ZNF469: variants seen among roughly 807,000 people sequenced by gnomAD.
The protein encoded by ZNF469 is zinc finger protein 469.
ZNF469 carries 1 observed loss-of-function variant against 1.0 expected under a neutral mutation model. That is an observed-to-expected ratio of 1.00 (90% CI 0.35 to 4.73). ZNF469 has a LOEUF of 4.73. Ranked by LOEUF, ZNF469 falls within the 30% of genes most tolerant of loss-of-function variation. ZNF469 has a pLI of 0.16. For missense variants in ZNF469, 6,100 were observed against 5,356.3 expected, an observed-to-expected ratio of 1.14 and a Z score of -4.33; for synonymous variants, 2,703 against 2,363.4, an observed-to-expected ratio of 1.14 and a Z score of -4.17.
chr16:88,272,011 G>A, the ZNF469 span, among the ~76,000 whole-genome samples: 2 of 152,118 alleles, frequency 1.3e-5, no homozygotes, highest in Non-Finnish European at 2.9e-5. Flanking sequence ...TGGGTGGACA[G>A]ACGGATGGAT....
rs749642726 is a variant in ZNF469, at chr16:88,432,358, G to T, written c.4888G>T (p.Val1630Phe). 3 of 1,548,576 alleles carry T rather than the reference G, an allele frequency of 1.9e-6. No homozygotes were observed. The highest frequency in any genetic ancestry group is 2.6e-6 in the Non-Finnish European group (3 of 1,146,688). The part of the protein sequence containing the change: ...DTFSAADLTR[V>F]GESTAHREGA... Reference sequence around the variant, plus strand: ...GTTCTCGGCAGCTGACCTCACGCGCGTTGGAGAATCCACTGCACATCGGGA... The same window carrying T: ...GTTCTCGGCAGCTGACCTCACGCGCTTTGGAGAATCCACTGCACATCGGGA... The change falls in exon 3 of 3, where the codon GTT becomes TTT. Residue 1630 changes from valine (V) to phenylalanine (F), a missense_variant. Coordinates refer to ENST00000565624, the MANE Select transcript of ZNF469 (RefSeq NM_001367624.2).
At chr16:88,180,498 G>A in the ZNF469 span, among the ~76,000 whole-genome samples, 6 of 152,118 alleles carry the variant, frequency 3.9e-5, no homozygotes, top group African/African-American at 1.2e-4. Flanking sequence ...CTGGCCAGGC[G>A]CGGTGGCTCA....
At chr16:88,200,128 A>G in the ZNF469 span, among the ~76,000 whole-genome samples, 141 of 54,792 alleles carry the variant, frequency 2.6e-3, no homozygotes, top group Non-Finnish European at 5.2e-3. Context: ...GGCACGGCCG[A>G]AGAGAACACG....
At chr16:88,128,040 C>T in the ZNF469 span, among the ~76,000 whole-genome samples, 1 of 152,138 alleles carries the variant, frequency 6.6e-6, no homozygotes, top group Non-Finnish European at 1.5e-5. Flanking sequence ...GGGCTGTGCC[C>T]GTTTAGGTCT....
the ZNF469 span, among the ~76,000 whole-genome samples, chr16:88,282,029 C>T: frequency 6.6e-6 from 1 of 152,220 alleles, no homozygotes; most frequent in Admixed American, 6.5e-5. Context: ...AACATTATTG[C>T]ATCAGTCATT....
At chr16:88,345,099 G>GA in the ZNF469 span, among the ~76,000 whole-genome samples, 1 of 152,228 alleles carries the variant, frequency 6.6e-6, no homozygotes, top group Non-Finnish European at 1.5e-5. Context: ...GTGAGCCTGG[G>GA]ATGGGGGGAG....
chr16:88,342,247 G>A, the ZNF469 span, among the ~76,000 whole-genome samples: 1 of 152,094 alleles, frequency 6.6e-6, no homozygotes, highest in African/African-American at 2.4e-5. Flanking sequence ...AAAGTGACCA[G>A]GGAGCTCAGT....
At chr16:88,286,250 T>C in the ZNF469 span, among the ~76,000 whole-genome samples, 1 of 152,228 alleles carries the variant, frequency 6.6e-6, no homozygotes, top group Non-Finnish European at 1.5e-5. Context: ...GAGTCCTGAA[T>C]GGATTCAGGC....
At chr16:88,158,064 G>C in the ZNF469 span, among the ~76,000 whole-genome samples, 2 of 151,998 alleles carry the variant, frequency 1.3e-5, no homozygotes, top group African/African-American at 4.8e-5. Flanking sequence ...GTCTGCTCTT[G>C]GGGTGTCCGC....
the ZNF469 span, among the ~76,000 whole-genome samples, chr16:88,183,111 T>C: frequency 2.6e-4 from 39 of 152,246 alleles, no homozygotes; most frequent in Admixed American, 7.2e-4. Context: ...ATACCTAAGA[T>C]GTTTAACATC....
intron 1 of ZNF469, among the ~76,000 whole-genome samples, chr16:88,393,759 G>T (rs545389035): frequency 6.6e-6 from 1 of 152,372 alleles, no homozygotes; most frequent in Non-Finnish European, 1.5e-5. Context: ...CTGGCAATTG[G>T]TCTGAAAGGC....
Position 88,429,615 on chromosome 16 carries a change from C to G in ZNF469, c.2145C>G (p.His715Gln). The G allele has an allele frequency of 6.5e-7, 1 of 1,546,832 alleles. No homozygotes were observed. Among genetic ancestry groups the G allele is most frequent in the East Asian group, 2.4e-5 (1 of 40,840 alleles). The change falls in exon 3 of 3, where the codon CAC becomes CAG. Residue 715 changes from histidine (H) to glutamine (Q), a missense_variant. Transcript: ENST00000565624. ...FPRAPPPYPT[H>Q]HFSLSSASLD... ...GTGCGCCGCCTCCGTACCCCACACA[C>G]CACTTCTCCCTCAGCAGCGCCAGCC... is the stretch of plus-strand genomic sequence containing the variant.
the ZNF469 span, among the ~76,000 whole-genome samples, chr16:88,174,022 TTATC>T: frequency 3.3e-5 from 5 of 152,120 alleles, no homozygotes; most frequent in East Asian, 1.9e-4. Context: ...TAAATGTAAA[TTATC>T]TAACCTCCAA....
the ZNF469 span, among the ~76,000 whole-genome samples, chr16:88,132,953 G>A: frequency 6.6e-6 from 1 of 152,256 alleles, no homozygotes; most frequent in South Asian, 2.1e-4. Context: ...AGGGCTCACA[G>A]AGCCAAGGCG....
chr16:88,236,134 G>A, the ZNF469 span, among the ~76,000 whole-genome samples: 2 of 152,198 alleles, frequency 1.3e-5, no homozygotes, highest in Non-Finnish European at 2.9e-5. Context: ...GGCAATAGAT[G>A]GCAAATGTCT....
intron 1 of ZNF469, among the ~76,000 whole-genome samples, chr16:88,414,489 G>A (rs1905255337): frequency 1.3e-5 from 2 of 152,368 alleles, no homozygotes; most frequent in Non-Finnish European, 1.5e-5. Context: ...GATTTGAAAG[G>A]TGGCAGCCTC....
chr16:88,410,301 G>A (rs1458993215), intron 1 of ZNF469, among the ~76,000 whole-genome samples: 1 of 150,898 alleles, frequency 6.6e-6, no homozygotes. Context: ...TGATAGTGCA[G>A]GTCACACAGT....
rs558897196 is a variant in ZNF469 at position 88,419,751 on chromosome 16, G to C, written c.-191-5056G>C. On this transcript the variant is annotated intron_variant, in intron 1 of 2. Transcript: ENST00000565624. Reference sequence around the variant, plus strand: ...CATGCCTGAGAGACCCTCACCCAAGGCCAAGCCTCGGCTGAAGAGTCACAT... The same window carrying C: ...CATGCCTGAGAGACCCTCACCCAAGCCCAAGCCTCGGCTGAAGAGTCACAT... Among the ~76,000 whole-genome samples the C allele has an allele frequency of 1.6e-4, 25 of 152,330 alleles. 1 individual carries two copies. Among genetic ancestry groups the C allele is most frequent in the Admixed American group, 7.8e-4 (12 of 15,310 alleles).
At chr16:88,390,762 C>T (rs78588220) in intron 1 of ZNF469, among the ~76,000 whole-genome samples, 13,556 of 152,236 alleles carry the variant, frequency 0.089, 774 homozygotes, top group South Asian at 0.16. Context: ...CGTCTCTGAG[C>T]TGGGTGGGTT....
Sources: gnomAD v4.1 joint callset for allele counts (sites outside exome capture counted in the v4.1 genomes callset) on GRCh38, gnomAD v4.1.1 for gene constraint, MANE v1.5 for transcripts, NCBI Gene and HGNC (gene_info 2026-07-23, HGNC 2026-07-21) for gene names.